Variants in LRRC20 observed in about 807,000 individuals in gnomAD.
LRRC20 encodes the protein leucine rich repeat containing 20.
LRRC20 carries 11 observed loss-of-function variants against 14.4 expected under a neutral mutation model. The observed-to-expected ratio is 0.77, with a 90% confidence interval of 0.48 to 1.27. The LOEUF (loss-of-function observed/expected upper bound fraction) is 1.27, where lower values mean the gene tolerates loss of function less well. Ranked by LOEUF, LRRC20 falls within the 50% of genes most tolerant of loss-of-function variation. The pLI is 0.00. For missense variants in LRRC20, 219 were observed against 251.2 expected, an observed-to-expected ratio of 0.87 and a Z score of 0.87; for synonymous variants, 121 against 107.3, an observed-to-expected ratio of 1.13 and a Z score of -0.79.
chr10:70,376,471 CT>C lies in LRRC20; in HGVS notation c.62del (p.Glu21GlyfsTer50), dbSNP rs758836623. ...ACTCACCCAGAGTGTCAGAGCCGCT[CT>C]CCACCGTCTCGTTGACCTTCCTTGC... is the stretch of plus-strand genomic sequence containing the variant. ...RVARKVNETV[E>X]SGSDTLDLAE... On this transcript the variant is annotated frameshift_variant, in exon 2 of 5. Coordinates refer to ENST00000446961, the MANE Select transcript of LRRC20 (RefSeq NM_001278212.2). LOFTEE classifies it high-confidence loss of function. The C allele has an allele frequency of 1.9e-5, 31 of 1,613,994 alleles. No individual in the cohort carries two copies. The highest frequency in any genetic ancestry group is 1.6e-4 in the Middle Eastern group (1 of 6,084).
chr10:70,371,408 G>C (rs963149889), intron 2 of LRRC20, among the ~76,000 whole-genome samples: 1 of 152,112 alleles, frequency 6.6e-6, no homozygotes, highest in Non-Finnish European at 1.5e-5. Flanking sequence ...GGGGCTCCCA[G>C]GGATGTGTGT....
At chr10:70,350,910 G>A (rs1843278903) in intron 2 of LRRC20, among the ~76,000 whole-genome samples, 1 of 152,236 alleles carries the variant, frequency 6.6e-6, no homozygotes, top group African/African-American at 2.4e-5. Context: ...TGAAGGCTGG[G>A]CACAGTGGCT....
intron 3 of LRRC20, among the ~76,000 whole-genome samples, chr10:70,335,344 G>A (rs1842691071): frequency 6.6e-6 from 1 of 152,122 alleles, no homozygotes; most frequent in African/African-American, 2.4e-5. Context: ...AAGTCTCCAT[G>A]GAGGCCCCAG....
intron 3 of LRRC20, 27 bp downstream of exon 3, chr10:70,340,526 T>C: frequency 1.2e-6 from 2 of 1,613,666 alleles, no homozygotes; most frequent in East Asian, 4.5e-5. Context: ...GGCCATGCCC[T>C]CCTGGCTGGA....
intron 4 of LRRC20, among the ~76,000 whole-genome samples, chr10:70,320,467 A>G (rs1036124338): frequency 4.6e-5 from 7 of 152,216 alleles, no homozygotes; most frequent in African/African-American, 1.7e-4. Flanking sequence ...GCTGGTCTCA[A>G]CCCACTGACT....
chr10:70,372,664 G>C (rs528502901), intron 2 of LRRC20, among the ~76,000 whole-genome samples: 1 of 151,798 alleles, frequency 6.6e-6, no homozygotes, highest in Non-Finnish European at 1.5e-5. Flanking sequence ...GGATGGTTTC[G>C]ATCTCCTGAC....
Position 70,301,176 on chromosome 10 carries a change from T to A in LRRC20, c.*178A>T. On this transcript the variant is annotated 3_prime_UTR_variant, in exon 5 of 5. Transcript: ENST00000446961. Reference sequence around the variant, plus strand: ...CCACCTTGCCTCTTCCCTTGGGCATTCCAGAGCCCACTACTGCTGTAAGCT... The same window carrying A: ...CCACCTTGCCTCTTCCCTTGGGCATACCAGAGCCCACTACTGCTGTAAGCT... The A allele has an allele frequency of 7.2e-7, 1 of 1,395,794 alleles. No homozygotes were observed. The highest frequency in any genetic ancestry group is 9.3e-7 in the Non-Finnish European group (1 of 1,078,034). The allele number at this position is 1,395,794 out of a possible 1,614,324, so 86.5% of individuals were successfully genotyped here. A position where few individuals can be genotyped will look rare whatever the true frequency, so the allele number is the denominator to read the frequency against.
At chr10:70,349,628 T>C (rs1843217697) in intron 2 of LRRC20, among the ~76,000 whole-genome samples, 1 of 152,170 alleles carries the variant, frequency 6.6e-6, no homozygotes, top group Admixed American at 6.5e-5. Flanking sequence ...ACTGAGTATT[T>C]GCTATGTGCC....
At chr10:70,321,915 C>T (rs1379140862) in intron 4 of LRRC20, among the ~76,000 whole-genome samples, 1 of 152,214 alleles carries the variant, frequency 6.6e-6, no homozygotes, top group Admixed American at 6.5e-5. Context: ...GAAATTATTA[C>T]TGTCATTCTG....
chr10:70,320,827 T>A (rs746077318), intron 4 of LRRC20, among the ~76,000 whole-genome samples: 71 of 152,336 alleles, frequency 4.7e-4, no homozygotes, highest in Non-Finnish European at 2.4e-4. Context: ...GAAGTATCCT[T>A]GTCCCTCTCA....
chr10:70,322,878 T>C (rs1170832350), intron 4 of LRRC20, among the ~76,000 whole-genome samples: 1 of 151,838 alleles, frequency 6.6e-6, no homozygotes, highest in African/African-American at 2.4e-5. Flanking sequence ...GAGTCCTGCC[T>C]GTGGCACCGC....
intron 4 of LRRC20, among the ~76,000 whole-genome samples, chr10:70,314,937 G>T (rs7086666): frequency 0.4 from 61,372 of 151,896 alleles, 12,606 homozygotes; most frequent in African/African-American, 0.44. Flanking sequence ...TAGAGCTATG[G>T]GCAAAAATCT....
chr10:70,341,068 G>A (rs1175593146), intron 2 of LRRC20, among the ~76,000 whole-genome samples: 3 of 152,178 alleles, frequency 2.0e-5, no homozygotes, highest in South Asian at 2.1e-4. Context: ...ACTCGACAGC[G>A]CAGATGCAGT....
chr10:70,345,758 G>A (rs1273912575), intron 2 of LRRC20, among the ~76,000 whole-genome samples: 1 of 152,160 alleles, frequency 6.6e-6, no homozygotes, highest in East Asian at 1.9e-4. Context: ...TCATTAAAAA[G>A]AAAAGAAAGC....
At chr10:70,371,011 C>A (rs998458958) in intron 2 of LRRC20, among the ~76,000 whole-genome samples, 3 of 151,874 alleles carry the variant, frequency 2.0e-5, no homozygotes, top group Non-Finnish European at 2.9e-5. Context: ...CAGAGCAAGA[C>A]CTTGTTTCTA....
intron 2 of LRRC20, among the ~76,000 whole-genome samples, chr10:70,366,005 G>GCA (rs1248497881): frequency 6.7e-6 from 1 of 149,792 alleles, no homozygotes; most frequent in East Asian, 2.0e-4. Context: ...GGGAGGTAGA[G>GCA]CCTGCAGTGA....
At chr10:70,362,642 G>A (rs139153760) in intron 2 of LRRC20, among the ~76,000 whole-genome samples, 161 of 152,326 alleles carry the variant, frequency 1.1e-3, no homozygotes, top group African/African-American at 3.7e-3. Flanking sequence ...TTCACTTGGC[G>A]TGAGCCCTGT....
intron 3 of LRRC20, among the ~76,000 whole-genome samples, chr10:70,328,567 G>A (rs1276477012): frequency 6.6e-6 from 1 of 152,192 alleles, no homozygotes; most frequent in African/African-American, 2.4e-5. Context: ...AAAGTGCTAG[G>A]ATTACAGGCA....
At chr10:70,322,238 A>G (rs1842113160) in intron 4 of LRRC20, among the ~76,000 whole-genome samples, 1 of 152,224 alleles carries the variant, frequency 6.6e-6, no homozygotes, top group South Asian at 2.1e-4. Flanking sequence ...TTCCAAGGCC[A>G]CAGTTAGGAT....
Sources: gnomAD v4.1 joint callset for allele counts (sites outside exome capture counted in the v4.1 genomes callset) on GRCh38, gnomAD v4.1.1 for gene constraint, MANE v1.5 for transcripts, NCBI Gene and HGNC (gene_info 2026-07-23, HGNC 2026-07-21) for gene names.